Variants in ROBO1 observed in about 807,000 individuals in gnomAD.
ROBO1 encodes the protein roundabout guidance receptor 1.
Under a neutral mutation model 195.9 loss-of-function variants are expected in ROBO1, and 149 were observed. The ratio of observed to expected loss-of-function variants is 0.76; its 90% confidence interval spans 0.67 to 0.87. The LOEUF is 0.87. ROBO1 is among the 40% of genes least tolerant of loss of function. The pLI is 0.00. For synonymous variants in ROBO1, 816 were observed against 733.2 expected (o/e 1.11, Z -1.82); for missense variants, 1,933 against 2,068.3 (o/e 0.93, Z 1.27).
At chr3:78,963,239 C>T (rs1013308509) in intron 3 of ROBO1, among the ~76,000 whole-genome samples, 1 of 151,778 alleles carries the variant, frequency 6.6e-6, no homozygotes, top group Admixed American at 6.6e-5. Context: ...TGAGAGAGCT[C>T]GGAGTCCAAG....
intron 2 of ROBO1, among the ~76,000 whole-genome samples, chr3:79,295,252 G>A (rs746368650): frequency 6.6e-5 from 10 of 152,120 alleles, no homozygotes; most frequent in Middle Eastern, 3.2e-3. Flanking sequence ...TATATGCCAC[G>A]GAATACTATG....
At chr3:79,447,228 G>A (rs183497565) in intron 2 of ROBO1, among the ~76,000 whole-genome samples, 2 of 152,224 alleles carry the variant, frequency 1.3e-5, no homozygotes, top group East Asian at 3.9e-4. Context: ...TAAGATACAA[G>A]CAATAACATG....
chr3:78,604,620 A>C (rs1703364230), intron 29 of ROBO1, among the ~76,000 whole-genome samples: 1 of 152,212 alleles, frequency 6.6e-6, no homozygotes, highest in South Asian at 2.1e-4. Context: ...CCTGAAATGC[A>C]CAGCTTTATT....
At chr3:79,027,133 T>A (rs1246590096) in intron 3 of ROBO1, among the ~76,000 whole-genome samples, 1 of 152,130 alleles carries the variant, frequency 6.6e-6, no homozygotes, top group Non-Finnish European at 1.5e-5. Context: ...ATCTGGGCAT[T>A]CATGCTTTTG....
chr3:79,290,440 T>A (rs7618349), intron 2 of ROBO1, among the ~76,000 whole-genome samples: 2 of 152,060 alleles, frequency 1.3e-5, no homozygotes, highest in Non-Finnish European at 2.9e-5. Flanking sequence ...CTCTTTCATT[T>A]AATCAACATC....
chr3:78,611,139 C>T (rs1507419), intron 28 of ROBO1, among the ~76,000 whole-genome samples: 140,947 of 152,216 alleles, frequency 0.93, 65,430 homozygotes, highest in Middle Eastern at 0.98. Context: ...TAAGAACATA[C>T]GCATTCAGAC....
intron 1 of ROBO1, among the ~76,000 whole-genome samples, chr3:79,651,424 A>G (rs1275977677): frequency 1.3e-5 from 2 of 152,080 alleles, no homozygotes; most frequent in Non-Finnish European, 2.9e-5. Flanking sequence ...TGCTTTTTTT[A>G]AAAGCACCTA....
chr3:78,685,914 G>T lies in ROBO1; in HGVS notation c.1174C>A (p.Leu392Ile). The T allele has an allele frequency of 6.3e-7, 1 of 1,583,732 alleles. No individual in the cohort carries two copies. Among genetic ancestry groups the T allele is most frequent in the Non-Finnish European group, 8.6e-7 (1 of 1,162,288 alleles). The change falls in exon 10 of 31, where the codon CTA (leucine) becomes ATA (isoleucine). Residue 392 changes from leucine (L) to isoleucine (I), a missense_variant. Leu to Ile is a conservative substitution (Grantham distance 5). Around this residue, in one of 3 missense-constraint regions of ROBO1, gnomAD observed 1,737 missense variants for 1,882.5 expected, o/e 0.92. Coordinates refer to ENST00000464233, the MANE Select transcript of ROBO1 (RefSeq NM_002941.4). ...TGTGGTGGTTGATATGAGAAAAGTA[G>T]ATTCTAGAACCCAGAAATTGGGATG... ...IFWRREGSQN[L>I]LFSYQPPQSS...
intron 2 of ROBO1, among the ~76,000 whole-genome samples, chr3:79,305,465 T>TGACA (rs1379340515): frequency 1.7e-5 from 2 of 118,642 alleles, no homozygotes; most frequent in Non-Finnish European, 3.2e-5. Context: ...CCAGCCTGGG[T>TGACA]GACAAGAGGA....
chr3:78,627,653 A>G lies in ROBO1; in HGVS notation c.3627-84T>C, dbSNP rs183908631. 7.2e-5 allele frequency: 100 copies of G among 1,394,160 alleles called. 2 individuals are homozygous for G. In the Admixed American group the frequency reaches 1.3e-3, roughly 19 times the overall value. The allele number at this position is 1,394,160 out of a possible 1,614,324, so 86.4% of individuals were successfully genotyped here. On this transcript the variant is annotated intron_variant, in intron 25 of 30. Coordinates refer to ENST00000464233, the MANE Select transcript of ROBO1 (RefSeq NM_002941.4). ...GATAGTAATGAAATGTCACCTTTAA[A>G]TTGTTTTTCAAATCTGAACGTTCTC...
chr3:79,192,882 A>C (rs1326688680), intron 2 of ROBO1, among the ~76,000 whole-genome samples: 1 of 151,692 alleles, frequency 6.6e-6, no homozygotes, highest in Non-Finnish European at 1.5e-5. Context: ...GTAGGAGTTC[A>C]CCTAGAGTTC....
chr3:79,009,145 G>C (rs1384687774), intron 3 of ROBO1, among the ~76,000 whole-genome samples: 1 of 145,478 alleles, frequency 6.9e-6, no homozygotes, highest in Non-Finnish European at 1.5e-5. Context: ...GTAGAGACGG[G>C]GTTTCACCAT....
chr3:78,765,584 AAT>A (rs2083209687), intron 4 of ROBO1, among the ~76,000 whole-genome samples: 2 of 152,262 alleles, frequency 1.3e-5, no homozygotes, highest in Admixed American at 1.3e-4. Context: ...AGGGAAACAA[AAT>A]AAAGTATATT....
At chr3:79,096,923 G>A (rs574370716) in intron 3 of ROBO1, among the ~76,000 whole-genome samples, 362 of 151,720 alleles carry the variant, frequency 2.4e-3, no homozygotes, top group African/African-American at 8.3e-3. Flanking sequence ...GCAATAGTAA[G>A]TTTGGCAGGA....
intron 3 of ROBO1, among the ~76,000 whole-genome samples, chr3:78,959,295 G>A (rs2041218321): frequency 6.7e-6 from 1 of 148,574 alleles, no homozygotes; most frequent in African/African-American, 2.4e-5. Flanking sequence ...GTGAAAGAAA[G>A]AGATTGTCAC....
At chr3:79,758,989 G>C (rs1704554456) in intron 1 of ROBO1, among the ~76,000 whole-genome samples, 1 of 152,150 alleles carries the variant, frequency 6.6e-6, no homozygotes, top group Admixed American at 6.5e-5. Flanking sequence ...ATTTGGTATA[G>C]AGATTAATTT....
At chr3:78,879,736 G>A (rs2036072029) in intron 4 of ROBO1, among the ~76,000 whole-genome samples, 1 of 152,014 alleles carries the variant, frequency 6.6e-6, no homozygotes, top group South Asian at 2.1e-4. Context: ...GAATTTAGCT[G>A]TCTGCACTCC....
chr3:79,340,530 C>A (rs1233965470), intron 2 of ROBO1, among the ~76,000 whole-genome samples: 1 of 152,030 alleles, frequency 6.6e-6, no homozygotes, highest in East Asian at 1.9e-4. Context: ...TCTGCCAGAC[C>A]CCCATGAGTG....
intron 2 of ROBO1, among the ~76,000 whole-genome samples, chr3:79,191,128 G>A (rs1195140774): frequency 6.6e-6 from 1 of 151,204 alleles, no homozygotes; most frequent in Non-Finnish European, 1.5e-5. Context: ...TGAGTGTGAG[G>A]GGCAAGTCAT....
Sources: gnomAD v4.1 joint callset for allele counts (sites outside exome capture counted in the v4.1 genomes callset) on GRCh38, gnomAD v4.1.1 for gene constraint, gnomAD v4.1.1 regional missense constraint, MANE v1.5 for transcripts, NCBI Gene and HGNC (gene_info 2026-07-23, HGNC 2026-07-21) for gene names.